The following SHROOM4 variants were observed in gnomAD, a reference collection of about 807,000 sequenced individuals.
SHROOM4 encodes the protein shroom family member 4.
In SHROOM4, 17 loss-of-function variants were observed where a neutral mutation model predicts 80.3. The ratio of observed to expected loss-of-function variants is 0.21; its 90% CI spans 0.14 to 0.32. The LOEUF (loss-of-function observed/expected upper bound fraction) is 0.32, where lower values mean the gene tolerates loss of function less well. SHROOM4 is among the 10% of genes least tolerant of loss of function. The probability of loss-of-function intolerance (pLI) is 1.00; values close to 1 mark genes in which losing one functional copy is unlikely to be tolerated. For missense variants in SHROOM4, 993 were observed against 1,140.3 expected (o/e 0.87, Z 1.86); for synonymous variants, 400 against 437.5 (o/e 0.91, Z 1.07).
At chrX:50,619,203 A>G (rs944164102) in intron 5 of SHROOM4, among the ~76,000 whole-genome samples, 1 of 111,452 alleles carries the variant, frequency 9.0e-6, no homozygotes, top group East Asian at 2.8e-4. Context: ...CAGAGACTGA[A>G]AAATCTCCTC....
intron 1 of SHROOM4, among the ~76,000 whole-genome samples, chrX:50,781,887 T>C (rs182643387): frequency 1.5e-4 from 17 of 111,485 alleles, no homozygotes; most frequent in Admixed American, 5.7e-4. Flanking sequence ...GATCTTCATA[T>C]GAAAGGCTTA....
chrX:50,648,110 T>C (rs1931908503), intron 2 of SHROOM4, among the ~76,000 whole-genome samples: 1 of 111,945 alleles, frequency 8.9e-6, no homozygotes, highest in South Asian at 3.8e-4. Flanking sequence ...GGGTCAACAG[T>C]AGAAGCCAGA....
At chrX:50,809,413 T>A (rs988305803) in intron 1 of SHROOM4, among the ~76,000 whole-genome samples, 3 of 112,323 alleles carry the variant, frequency 2.7e-5, no homozygotes, top group Admixed American at 9.4e-5. Flanking sequence ...AGGAATGGAA[T>A]ACAGACTAAA....
chrX:50,751,328 T>C (rs899684645), intron 1 of SHROOM4, among the ~76,000 whole-genome samples: 13 of 112,002 alleles, frequency 1.2e-4, no homozygotes, highest in Non-Finnish European at 1.3e-4. Flanking sequence ...TATCAAGGCA[T>C]TGAATCCTCA....
chrX:50,738,840 C>G (rs4318355), intron 1 of SHROOM4, among the ~76,000 whole-genome samples: 3,135 of 111,459 alleles, frequency 0.028, 95 homozygotes, highest in African/African-American at 0.096. Context: ...CTTTAAAGTT[C>G]ATATGGAACC....
At chrX:50,789,520 T>G (rs1437729647) in intron 1 of SHROOM4, among the ~76,000 whole-genome samples, 1 of 111,332 alleles carries the variant, frequency 9.0e-6, no homozygotes, top group Non-Finnish European at 1.9e-5. Context: ...AGGAAAATTA[T>G]AGTGACAAAT....
At chrX:50,638,690 G>A (rs1320647957) in intron 2 of SHROOM4, among the ~76,000 whole-genome samples, 2 of 112,744 alleles carry the variant, frequency 1.8e-5, no homozygotes, top group Non-Finnish European at 3.7e-5. Flanking sequence ...CTCTGAGAAA[G>A]GAATGGGCAA....
intron 1 of SHROOM4, among the ~76,000 whole-genome samples, chrX:50,778,414 A>G (rs963056908): frequency 1.2e-4 from 13 of 111,569 alleles, no homozygotes; most frequent in African/African-American, 3.9e-4. Flanking sequence ...GTATCATCAG[A>G]CTCACCTGGG....
At chrX:50,659,264 G>C (rs1932416342) in intron 2 of SHROOM4, among the ~76,000 whole-genome samples, 1 of 111,714 alleles carries the variant, frequency 9.0e-6, no homozygotes, top group Non-Finnish European at 1.9e-5. Flanking sequence ...GCATTTTGTA[G>C]GGAGAAAAGA....
In SHROOM4 at chrX:50,634,161, A is replaced by G; in HGVS notation, c.1912T>C (p.Ser638Pro). 8.3e-7 allele frequency: 1 copy of G among 1,211,033 alleles called. No homozygotes were observed. Among genetic ancestry groups the G allele is most frequent in the Non-Finnish European group, 1.1e-6 (1 of 895,364 alleles). The change falls in exon 4 of 9, where the codon TCT becomes CCT. Residue 638 changes from serine (S) to proline (P), a missense_variant. Ser to Pro is a moderately conservative substitution (Grantham distance 74). Coordinates refer to ENST00000376020, the MANE Select transcript of SHROOM4 (RefSeq NM_020717.5). Reference protein sequence around the residue: ...ESPPLTASNTSLLSSCKKPPS... With the variant: ...ESPPLTASNTPLLSSCKKPPS... ...GGTTTTTTACATGAAGATAGAAGAG[A>G]TGTGTTAGAGGCAGTGAGTGGAGGA...
chrX:50,705,178 T>C (rs1933630150), intron 1 of SHROOM4, among the ~76,000 whole-genome samples: 2 of 111,486 alleles, frequency 1.8e-5, no homozygotes. Flanking sequence ...CCTGTTCACA[T>C]CATGACTGAG....
chrX:50,616,971 A>G (rs1930267823), intron 5 of SHROOM4, among the ~76,000 whole-genome samples: 1 of 111,905 alleles, frequency 8.9e-6, no homozygotes, highest in Non-Finnish European at 1.9e-5. Flanking sequence ...ATATCCTCAA[A>G]GGCAACAATT....
At chrX:50,750,179 A>C (rs1557267938) in intron 1 of SHROOM4, among the ~76,000 whole-genome samples, 1 of 112,295 alleles carries the variant, frequency 8.9e-6, no homozygotes, top group Non-Finnish European at 1.9e-5. Context: ...CATATGTGCC[A>C]GCTCACCTGG....
intron 2 of SHROOM4, among the ~76,000 whole-genome samples, chrX:50,662,255 C>G (rs782788321): frequency 8.9e-6 from 1 of 111,788 alleles, no homozygotes; most frequent in East Asian, 2.8e-4. Flanking sequence ...AATCCCAGCA[C>G]TTTGGGAGGC....
intron 1 of SHROOM4, among the ~76,000 whole-genome samples, chrX:50,711,509 G>T (rs1172756610): frequency 1.8e-5 from 2 of 112,049 alleles, no homozygotes; most frequent in African/African-American, 6.5e-5. Context: ...GTATTTCATT[G>T]TCTGTAAATT....
Position 50,612,758 on chromosome X carries a change from T to C in SHROOM4, c.2958-4574A>G, listed in dbSNP as rs368038526. 4.5e-5 allele frequency among the ~76,000 whole-genome samples: 5 copies of C among 111,615 alleles called. No homozygotes were observed. The East Asian group carries it at 1.1e-3, about 25-fold the overall frequency. On this transcript the variant is annotated intron_variant, in intron 5 of 8. Transcript: ENST00000376020. ...CTACTGATATAATTGACAACATTAA[T>C]AAATCAAAGGATAAAAGGCACATAA...
At chrX:50,767,748 G>A (rs1242755245) in intron 1 of SHROOM4, among the ~76,000 whole-genome samples, 1 of 111,051 alleles carries the variant, frequency 9.0e-6, no homozygotes, top group Non-Finnish European at 1.9e-5. Flanking sequence ...TTTCATGAAC[G>A]CTATGTATTG....
intron 2 of SHROOM4, among the ~76,000 whole-genome samples, chrX:50,674,914 C>G (rs1932836533): frequency 8.9e-6 from 1 of 111,753 alleles, no homozygotes; most frequent in Admixed American, 9.5e-5. Flanking sequence ...GTTAAGTGCA[C>G]AGAGGACGGA....
At position 50,598,480 on chromosome X, in the gene SHROOM4, C is replaced by T. The variant is rs138561135; in HGVS notation, c.3998G>A (p.Arg1333Gln). The change falls in exon 8 of 9, where the codon CGA (arginine) becomes CAA (glutamine). Residue 1333 changes from arginine to glutamine, a missense_variant. Arg to Gln is a conservative substitution (Grantham distance 43). Coordinates refer to ENST00000376020, the MANE Select transcript of SHROOM4 (RefSeq NM_020717.5). The stretch of plus-strand genomic sequence containing the variant: ...GGCATTGATGTCCTCTAGCAGCCCT[C>T]GCTGGGCCTCCCGCAAGACAGAAAG... ...RKLSVLREAQ[R>Q]GLLEDINANS... 1.7e-5 allele frequency: 21 copies of T among 1,205,707 alleles called. No individual in the cohort carries two copies. In the Middle Eastern group the frequency reaches 9.2e-4, roughly 53 times the overall value.
Sources: allele counts gnomAD v4.1 joint callset (sites outside exome capture counted in the v4.1 genomes callset), GRCh38; gene constraint gnomAD v4.1.1; transcripts MANE v1.5; gene names NCBI Gene and HGNC (gene_info 2026-07-23, HGNC 2026-07-21).